RANBP2: variants seen among roughly 807,000 people sequenced by gnomAD.
RANBP2 encodes the protein RAN binding protein 2, also known as E3 SUMO-protein ligase RanBP2.
In RANBP2, 57 loss-of-function variants were observed where a neutral mutation model predicts 303.6. The ratio of observed to expected loss-of-function variants is 0.19; its 90% CI spans 0.15 to 0.23. The LOEUF is 0.23. RANBP2 is among the 10% of genes least tolerant of loss of function. The probability of loss-of-function intolerance (pLI) is 1.00; values close to 1 mark genes in which losing one functional copy is unlikely to be tolerated. For synonymous variants in RANBP2, 1,167 were observed against 1,301.5 expected (o/e 0.90, Z 2.23); for missense variants, 3,138 against 3,780.8 (o/e 0.83, Z 4.46).
intron 1 of RANBP2, among the ~76,000 whole-genome samples, chr2:108,721,233 A>G (rs567062636): frequency 1.3e-5 from 2 of 152,338 alleles, no homozygotes; most frequent in Non-Finnish European, 2.9e-5. Context: ...ATAGTGCAGC[A>G]GAATTTTGGC....
At chr2:109,765,437 C>G in the RANBP2 span, among the ~76,000 whole-genome samples, 1,513 of 150,326 alleles carry the variant, frequency 0.01, 91 homozygotes, top group African/African-American at 0.034. Context: ...TTTAGGAAAC[C>G]CTGCTGTACA....
rs755042065 is a variant in RANBP2 at position 108,781,393 on chromosome 2, A to G, written c.8724A>G (p.Glu2908=). Residue 2908 remains glutamate (E), a synonymous_variant, in exon 26 of 29, where the codon GAA becomes GAG. Coordinates refer to ENST00000283195, the MANE Select transcript of RANBP2 (RefSeq NM_006267.5). ...GTGATGAAGAAGTAGTTCATAATGA[A>G]GATATCCATTTTGAACCAATAGTGT... ...DGSDEEVVHN[E]DIHFEPIVSL... 1 of 1,614,184 alleles carries G rather than the reference A, an allele frequency of 6.2e-7. No individual in the cohort carries two copies. Among genetic ancestry groups the G allele is most frequent in the Non-Finnish European group, 8.5e-7 (1 of 1,180,024 alleles).
the RANBP2 span, among the ~76,000 whole-genome samples, chr2:109,411,840 G>A: frequency 2.4e-4 from 36 of 152,216 alleles, no homozygotes; most frequent in Non-Finnish European, 4.7e-4. Flanking sequence ...CCAGCTCTAA[G>A]TAATAGCTTA....
At chr2:108,919,222 C>T in the RANBP2 span, among the ~76,000 whole-genome samples, 2 of 152,156 alleles carry the variant, frequency 1.3e-5, no homozygotes, top group Admixed American at 6.5e-5. Context: ...ACGGAAACCA[C>T]GGGAGTACGC....
At chr2:109,420,864 C>T in the RANBP2 span, among the ~76,000 whole-genome samples, 1 of 152,218 alleles carries the variant, frequency 6.6e-6, no homozygotes, top group Non-Finnish European at 1.5e-5. Flanking sequence ...AGTGGAAACA[C>T]CAGCCTTTCT....
At chr2:108,969,375 C>G in the RANBP2 span, among the ~76,000 whole-genome samples, 1 of 152,126 alleles carries the variant, frequency 6.6e-6, no homozygotes. Flanking sequence ...TGGCTAAGTT[C>G]GGATGGTTGT....
chr2:109,356,366 A>C, the RANBP2 span, among the ~76,000 whole-genome samples: 1 of 152,220 alleles, frequency 6.6e-6, no homozygotes, highest in South Asian at 2.1e-4. Flanking sequence ...ACCACACTGC[A>C]GCTAGGTCTA....
In RANBP2 at chr2:108,750,648, C is replaced by T. The variant is rs560515621; in HGVS notation, c.1274-616C>T. The stretch of plus-strand genomic sequence containing the variant: ...TGTCACCCAGGCTGGAGTGCAGTGG[C>T]GCAATCTCGGCTCACTGCAACTTCC... On this transcript the variant is annotated intron_variant, in intron 9 of 28. Transcript: ENST00000283195. Among the ~76,000 whole-genome samples, 6 of 151,202 alleles carry T rather than the reference C, an allele frequency of 4.0e-5. No homozygotes were observed. The South Asian group carries it at 1.0e-3, about 26-fold the overall frequency.
the RANBP2 span, among the ~76,000 whole-genome samples, chr2:109,364,631 A>G: frequency 6.6e-6 from 1 of 152,208 alleles, no homozygotes; most frequent in African/African-American, 2.4e-5. Context: ...CAAATGTTCT[A>G]TAGTCCTGGG....
the RANBP2 span, among the ~76,000 whole-genome samples, chr2:109,460,526 G>A: frequency 6.6e-6 from 1 of 152,182 alleles, no homozygotes; most frequent in Non-Finnish European, 1.5e-5. Flanking sequence ...GGTCCACTGG[G>A]CAATGACAGG....
the RANBP2 span, among the ~76,000 whole-genome samples, chr2:109,358,721 C>A: frequency 3.3e-5 from 5 of 152,196 alleles, no homozygotes; most frequent in Non-Finnish European, 7.3e-5. Context: ...TATTTTCTCC[C>A]AGTCTGTAGC....
At chr2:108,965,464 C>CAG in the RANBP2 span, among the ~76,000 whole-genome samples, 1 of 137,392 alleles carries the variant, frequency 7.3e-6, no homozygotes, top group Non-Finnish European at 1.6e-5. Flanking sequence ...GATTTCGTCT[C>CAG]AAAAAAAAAA....
chr2:109,246,693 T>C, the RANBP2 span, among the ~76,000 whole-genome samples: 1 of 152,200 alleles, frequency 6.6e-6, no homozygotes, highest in African/African-American at 2.4e-5. Context: ...TTGCCCTGGC[T>C]CGTCCTAAGG....
At chr2:108,862,952 A>G in the RANBP2 span, among the ~76,000 whole-genome samples, 1 of 152,196 alleles carries the variant, frequency 6.6e-6, no homozygotes, top group African/African-American at 2.4e-5. Context: ...TTTGGGTAAA[A>G]AAATAATAAA....
the RANBP2 span, among the ~76,000 whole-genome samples, chr2:108,912,487 G>A: frequency 6.6e-6 from 1 of 152,172 alleles, no homozygotes; most frequent in Non-Finnish European, 1.5e-5. Context: ...CCCATAGAGG[G>A]ATCAACTCTG....
chr2:109,633,890 G>A, the RANBP2 span, among the ~76,000 whole-genome samples: 1 of 151,046 alleles, frequency 6.6e-6, no homozygotes, highest in Non-Finnish European at 1.5e-5. Context: ...AGGAGGTCAA[G>A]GTGGGTGGAT....
At chr2:109,477,922 G>T in the RANBP2 span, among the ~76,000 whole-genome samples, 2 of 152,198 alleles carry the variant, frequency 1.3e-5, no homozygotes, top group African/African-American at 4.8e-5. Context: ...CACACCCTTG[G>T]CATGGACCTG....
At chr2:108,720,094 C>T in intron 1 of RANBP2, 2 of 984,474 alleles carry the variant, frequency 2.0e-6, no homozygotes, top group Non-Finnish European at 2.4e-6. Context: ...CGGCGGAGGT[C>T]GTACCTCCTT....
chr2:109,070,792 A>C, the RANBP2 span, among the ~76,000 whole-genome samples: 3 of 151,648 alleles, frequency 2.0e-5, no homozygotes, highest in African/African-American at 7.3e-5. Context: ...CCCAGGAGGC[A>C]GAGGTTGCAG....
Sources: gnomAD v4.1 joint callset for allele counts (sites outside exome capture counted in the v4.1 genomes callset) on GRCh38, gnomAD v4.1.1 for gene constraint, MANE v1.5 for transcripts, NCBI Gene and HGNC (gene_info 2026-07-23, HGNC 2026-07-21) for gene names.